UMAD1: variants seen among roughly 807,000 people sequenced by gnomAD.
The protein encoded by UMAD1 is UBAP1-MVB12-associated (UMA)-domain containing protein 1.
A neutral mutation model predicts 6.1 loss-of-function variants in UMAD1; 8 were observed. The observed-to-expected ratio is 1.30, with a 90% confidence interval of 0.76 to 2.35. UMAD1 has a LOEUF of 2.35. Ranked by LOEUF, UMAD1 falls within the 30% of genes most tolerant of loss-of-function variation. The pLI, the probability that UMAD1 is intolerant of heterozygous loss-of-function variation, is 0.00. For missense variants in UMAD1, 130 were observed against 78.4 expected (o/e 1.66, Z -2.49); for synonymous variants, 56 against 31.4 (o/e 1.78, Z -2.61).
At chr7:7,717,915 A>C (rs1321720673) in intron 2 of UMAD1, among the ~76,000 whole-genome samples, 1 of 152,216 alleles carries the variant, frequency 6.6e-6, no homozygotes, top group Non-Finnish European at 1.5e-5. Flanking sequence ...CTTTTCTATT[A>C]ATAAACTTGA....
intron 3 of UMAD1, among the ~76,000 whole-genome samples, chr7:7,806,714 G>A (rs181602648): frequency 6.6e-6 from 1 of 152,166 alleles, no homozygotes; most frequent in Admixed American, 6.5e-5. Context: ...CATTAGCAGG[G>A]AAAAGTTTAA....
chr7:7,803,068 G>C (rs181460421), intron 3 of UMAD1, among the ~76,000 whole-genome samples: 3 of 152,128 alleles, frequency 2.0e-5, no homozygotes, highest in Non-Finnish European at 4.4e-5. Flanking sequence ...TACACTGACC[G>C]TACTCAAGAT....
chr7:7,700,614 G>A (rs367896183), intron 2 of UMAD1, among the ~76,000 whole-genome samples: 16 of 152,230 alleles, frequency 1.1e-4, no homozygotes, highest in East Asian at 7.7e-4. Flanking sequence ...AGGGCCGGGC[G>A]CGGTGGCTCA....
At chr7:7,766,465 C>A (rs1781987181) in intron 2 of UMAD1, among the ~76,000 whole-genome samples, 1 of 152,144 alleles carries the variant, frequency 6.6e-6, no homozygotes, top group South Asian at 2.1e-4. Context: ...CCAGAAAATA[C>A]TTGCTGTTAC....
chr7:7,815,409 G>T (rs998885355), intron 3 of UMAD1, among the ~76,000 whole-genome samples: 1 of 152,158 alleles, frequency 6.6e-6, no homozygotes, highest in Non-Finnish European at 1.5e-5. Context: ...GAGTAGAGTA[G>T]AATTGATTAA....
At chr7:7,761,525 C>T (rs1781890265) in intron 2 of UMAD1, among the ~76,000 whole-genome samples, 1 of 152,196 alleles carries the variant, frequency 6.6e-6, no homozygotes. Flanking sequence ...CATCCTTGTG[C>T]AGTACACAAA....
At chr7:7,657,843 G>T (rs931471033) in intron 1 of UMAD1, among the ~76,000 whole-genome samples, 4 of 152,156 alleles carry the variant, frequency 2.6e-5, no homozygotes, top group Non-Finnish European at 2.9e-5. Context: ...TTCTAATTCT[G>T]TGAAGAAAGT....
chr7:7,648,444 A>G (rs1330028791), intron 1 of UMAD1, among the ~76,000 whole-genome samples: 1 of 151,876 alleles, frequency 6.6e-6, no homozygotes, highest in Admixed American at 6.6e-5. Context: ...CTGGCGATTC[A>G]TTTTTTCTCT....
chr7:7,839,250 C>A (rs1783629379), intron 3 of UMAD1, among the ~76,000 whole-genome samples: 1 of 152,144 alleles, frequency 6.6e-6, no homozygotes, highest in Admixed American at 6.6e-5. Flanking sequence ...GCTCTGTCAT[C>A]ACCCGTTCTG....
chr7:7,670,440 G>C (rs1331827049), intron 1 of UMAD1, among the ~76,000 whole-genome samples: 2 of 152,172 alleles, frequency 1.3e-5, no homozygotes, highest in Admixed American at 6.5e-5. Flanking sequence ...ACTCCAGGGA[G>C]GGAAGAGAAA....
chr7:7,683,249 G>A (rs868060761), intron 2 of UMAD1, among the ~76,000 whole-genome samples: 1 of 152,094 alleles, frequency 6.6e-6, no homozygotes, highest in Non-Finnish European at 1.5e-5. Context: ...CTGTGCATTA[G>A]GGGATACTTA....
At chr7:7,750,099 CA>C (rs1225096800) in intron 2 of UMAD1, among the ~76,000 whole-genome samples, 3 of 152,092 alleles carry the variant, frequency 2.0e-5, no homozygotes, top group Admixed American at 2.0e-4. Context: ...GAATTATGGT[CA>C]ATTGCAATTA....
chr7:7,762,336 A>C (rs2115232931), intron 2 of UMAD1, among the ~76,000 whole-genome samples: 1 of 152,332 alleles, frequency 6.6e-6, no homozygotes, highest in South Asian at 2.1e-4. Flanking sequence ...CTCTTGTTTA[A>C]GTACATCAGT....
In UMAD1 at chr7:7,877,403, G is replaced by A. The variant is rs978836782; in HGVS notation, c.279G>A (p.Leu93=). 1 of 717,540 alleles carries A rather than the reference G, an allele frequency of 1.4e-6. No individual in the cohort carries two copies. The highest frequency in any genetic ancestry group is 1.7e-5 in the African/African-American group (1 of 57,252). The allele number at this position is 717,540 out of a possible 1,614,324, so 44.4% of individuals were successfully genotyped here. ...TCCTGAGCGATGTGCCGTTCACCCT[G>A]GCCCCGCATGTGCTGGCAGTACAGG... The part of the protein sequence containing the change: ...AELLSDVPFT[L]APHVLAVQGT... Residue 93 remains leucine (L), a synonymous_variant, in exon 4 of 4, where the codon CTG becomes CTA. Transcript: ENST00000682710.
intron 3 of UMAD1, among the ~76,000 whole-genome samples, chr7:7,813,346 A>T: frequency 6.6e-6 from 1 of 152,166 alleles, no homozygotes. Context: ...CTGGGACTAC[A>T]GGCATGCGAC....
chr7:7,865,056 T>C (rs1784200877), intron 3 of UMAD1, among the ~76,000 whole-genome samples: 1 of 152,212 alleles, frequency 6.6e-6, no homozygotes. Flanking sequence ...TATGCATCTC[T>C]TCTGTTTGAC....
chr7:7,775,532 T>C (rs1034567601), intron 2 of UMAD1, among the ~76,000 whole-genome samples: 15 of 152,122 alleles, frequency 9.9e-5, no homozygotes, highest in African/African-American at 3.6e-4. Flanking sequence ...CATGCAGAAC[T>C]GTGAGTCAAT....
intron 2 of UMAD1, among the ~76,000 whole-genome samples, chr7:7,780,013 A>C (rs1782311765): frequency 6.6e-6 from 1 of 152,256 alleles, no homozygotes. Flanking sequence ...ACAGTAGTCA[A>C]AACTTGCTGG....
In UMAD1 at chr7:7,860,474, G is replaced by A. The variant is rs550916008; in HGVS notation, c.157-16807G>A. ...TTTCCACCTTTTACTTAAAAATATT[G>A]TCCTGGCCGAGCGTGGTGGCTTATG... On this transcript the variant is annotated intron_variant, in intron 3 of 3. Coordinates refer to ENST00000682710, the MANE Select transcript of UMAD1 (RefSeq NM_001302348.2). 7.8e-4 allele frequency among the ~76,000 whole-genome samples: 118 copies of A among 151,692 alleles called. 1 individual carries two copies. In the South Asian group the frequency reaches 0.023, roughly 29 times the overall value.
Sources: allele counts gnomAD v4.1 joint callset (sites outside exome capture counted in the v4.1 genomes callset), GRCh38; gene constraint gnomAD v4.1.1; transcripts MANE v1.5; gene names NCBI Gene and HGNC (gene_info 2026-07-23, HGNC 2026-07-21).